Variants in SNX8 observed in about 807,000 individuals in gnomAD.
SNX8 encodes the protein sorting nexin 8, also known as sorting nexin-8.
A neutral mutation model predicts 51.6 loss-of-function variants in SNX8; 25 were observed. That is an observed-to-expected ratio of 0.48 (90% confidence interval 0.35 to 0.68). SNX8 has a LOEUF of 0.68. Ranked by LOEUF, SNX8 falls within the 30% of genes least tolerant of loss-of-function variation. SNX8 has a pLI of 0.00. For missense variants in SNX8, 695 were observed against 624.0 expected, an observed-to-expected ratio of 1.11 and a Z score of -1.21; for synonymous variants, 324 against 277.0, an observed-to-expected ratio of 1.17 and a Z score of -1.68.
At chr7:2,259,164 A>G (rs1223484537) in intron 7 of SNX8, among the ~76,000 whole-genome samples, 1 of 152,120 alleles carries the variant, frequency 6.6e-6, no homozygotes, top group Non-Finnish European at 1.5e-5. Context: ...GGGTCTGGGG[A>G]AGGCAGCGGA....
rs865895847 is a variant in SNX8, at chr7:2,253,694, C to A, written c.*1362G>T. ...AGCCCACGGGGCCAGAAGGCACGGC[C>A]GTTCCCTCTGGCCGGCTCGCAGTGG... On this transcript the variant is annotated 3_prime_UTR_variant, in exon 11 of 11. Coordinates refer to ENST00000222990, the MANE Select transcript of SNX8 (RefSeq NM_013321.4). 1 of 152,312 alleles carries A rather than the reference C, an allele frequency of 6.6e-6. No individual in the cohort carries two copies. Among genetic ancestry groups the A allele is most frequent in the East Asian group, 1.9e-4 (1 of 5,190 alleles). The allele number at this position is 152,312 out of a possible 1,614,324, so 9.4% of individuals were successfully genotyped here.
intron 1 of SNX8, among the ~76,000 whole-genome samples, chr7:2,338,029 T>C (rs1008840519): frequency 1.3e-5 from 2 of 152,236 alleles, no homozygotes; most frequent in African/African-American, 4.8e-5. Flanking sequence ...AACAGTGTAA[T>C]AAAGACTGCG....
At chr7:2,298,587 C>A (rs1039846032) in intron 1 of SNX8, among the ~76,000 whole-genome samples, 1 of 151,860 alleles carries the variant, frequency 6.6e-6, no homozygotes, top group Non-Finnish European at 1.5e-5. Context: ...CCAGGCTGGT[C>A]TCGAACTCCT....
At chr7:2,326,167 C>T (rs887465714) in intron 1 of SNX8, among the ~76,000 whole-genome samples, 13 of 151,770 alleles carry the variant, frequency 8.6e-5, no homozygotes, top group Admixed American at 5.9e-4. Context: ...AGTTCAAGAC[C>T]AGCCTGGGCA....
At position 2,251,902 on chromosome 7, in the gene SNX8, C is replaced by T. The variant is rs1174566570; in HGVS notation, c.*3154G>A. ...AGTGCTTTGGACATGAACTGACCCG[C>T]AAAGCAAGGGCAAAGGCCTCAGATG... On this transcript the variant is annotated 3_prime_UTR_variant, in exon 11 of 11. Transcript: ENST00000222990. 6.6e-6 allele frequency: 1 copy of T among 152,270 alleles called. No homozygotes were observed. The highest frequency in any genetic ancestry group is 2.4e-5 in the African/African-American group (1 of 41,460). The allele number at this position is 152,270 out of a possible 1,614,324, so 9.4% of individuals were successfully genotyped here. A position where few individuals can be genotyped will look rare whatever the true frequency, so the allele number is the denominator to read the frequency against.
intron 1 of SNX8, among the ~76,000 whole-genome samples, chr7:2,288,928 G>C (rs919422427): frequency 6.6e-6 from 1 of 152,106 alleles, no homozygotes; most frequent in Non-Finnish European, 1.5e-5. Context: ...GTAGAGATGA[G>C]GTTTCCCCAT....
rs1795120247 is a variant in SNX8 at position 2,254,269 on chromosome 7, A to T, written c.*787T>A. On this transcript the variant is annotated 3_prime_UTR_variant, in exon 11 of 11. Coordinates refer to ENST00000222990, the MANE Select transcript of SNX8 (RefSeq NM_013321.4). Reference sequence around the variant, plus strand: ...GCCCCCACCTGTCCTCTGCCAGCCCATCCAGCCTCAGTGCCACACGGTGCA... The same window carrying T: ...GCCCCCACCTGTCCTCTGCCAGCCCTTCCAGCCTCAGTGCCACACGGTGCA... 6.6e-6 allele frequency: 1 copy of T among 152,554 alleles called. No individual in the cohort carries two copies. Among genetic ancestry groups the T allele is most frequent in the South Asian group, 2.1e-4 (1 of 4,830 alleles). 9.5% of individuals were successfully genotyped at this position (152,554 alleles called of 1,614,324 possible).
intron 5 of SNX8, among the ~76,000 whole-genome samples, chr7:2,268,588 G>C (rs1253202151): frequency 6.9e-6 from 1 of 145,626 alleles, no homozygotes; most frequent in Admixed American, 6.7e-5. Flanking sequence ...GCCCTGTCCG[G>C]GAGGGAGGTG....
At chr7:2,346,948 A>G (rs1779042263) in intron 1 of SNX8, among the ~76,000 whole-genome samples, 1 of 151,270 alleles carries the variant, frequency 6.6e-6, no homozygotes, top group Admixed American at 6.6e-5. Flanking sequence ...AAAAGAAAAA[A>G]GGAATAGGGA....
chr7:2,330,131 CT>C (rs1330990013), intron 1 of SNX8, among the ~76,000 whole-genome samples: 4 of 126,586 alleles, frequency 3.2e-5, no homozygotes, highest in Admixed American at 9.0e-5. Context: ...GCGCCCGGCC[CT>C]TTTTTCTTTT....
intron 1 of SNX8, among the ~76,000 whole-genome samples, chr7:2,292,604 G>A (rs1444101588): frequency 1.3e-5 from 2 of 151,956 alleles, no homozygotes; most frequent in African/African-American, 2.4e-5. Context: ...GTAGAAACGT[G>A]GTTTCACCAT....
At chr7:2,293,966 CAA>C (rs147695305) in intron 1 of SNX8, among the ~76,000 whole-genome samples, 1 of 138,114 alleles carries the variant, frequency 7.2e-6, no homozygotes, top group African/African-American at 2.7e-5. Flanking sequence ...AACTCTGTCT[CAA>C]AAAAAAAAAT....
chr7:2,344,081 G>A (rs1045904379), intron 1 of SNX8, among the ~76,000 whole-genome samples: 10 of 151,214 alleles, frequency 6.6e-5, no homozygotes, highest in Admixed American at 6.0e-4. Flanking sequence ...CCGTGCGCCT[G>A]TAGTCCCAGC....
chr7:2,313,352 T>C (rs1367005322), intron 1 of SNX8, among the ~76,000 whole-genome samples: 2 of 149,822 alleles, frequency 1.3e-5, no homozygotes, highest in East Asian at 2.0e-4. Context: ...ATGGTGAAAC[T>C]CCGTCTCTAC....
intron 1 of SNX8, among the ~76,000 whole-genome samples, chr7:2,303,390 C>A (rs1796459201): frequency 6.6e-6 from 1 of 151,832 alleles, no homozygotes; most frequent in African/African-American, 2.4e-5. Context: ...GGCGCCTCTG[C>A]CCGGCCGCCC....
At chr7:2,310,031 C>G (rs993062534) in intron 1 of SNX8, 4 of 374,186 alleles carry the variant, frequency 1.1e-5, no homozygotes, top group Admixed American at 3.6e-5. Flanking sequence ...ATGGGATGAG[C>G]CGCAAGTGAA....
chr7:2,316,018 C>CACAA (rs1796749884), upstream of SNX8, among the ~76,000 whole-genome samples: 1 of 143,480 alleles, frequency 7.0e-6, no homozygotes, highest in African/African-American at 2.6e-5. Flanking sequence ...CATTCATTCA[C>CACAA]CCACTCACTC....
Position 2,255,119 on chromosome 7 carries a change from C to T in SNX8, c.1335G>A (p.Ala445=), listed in dbSNP as rs776675262. Residue 445 remains alanine (A), a synonymous_variant, in exon 11 of 11, where the codon GCG becomes GCA. Coordinates refer to ENST00000222990, the MANE Select transcript of SNX8 (RefSeq NM_013321.4). Reference sequence around the variant, plus strand: ...GTGGGGTCAGGGTGCTGTGTGGTCCCGCAAAGAGGCAGCTGAGCTTGGGCC... The same window carrying T: ...GTGGGGTCAGGGTGCTGTGTGGTCCTGCAAAGAGGCAGCTGAGCTTGGGCC... ...DLRPKLSCLF[A]GPHSTLTPPC... 9 of 1,579,502 alleles carry T rather than the reference C, an allele frequency of 5.7e-6. No homozygotes were observed. Among genetic ancestry groups the T allele is most frequent in the African/African-American group, 2.7e-5 (2 of 74,232 alleles).
In SNX8 at chr7:2,351,918, T is replaced by TG. The variant is rs796831486; in HGVS notation, c.-66+2303_-66+2304insC. Among the ~76,000 whole-genome samples, 114 of 147,104 alleles carry TG rather than the reference T, an allele frequency of 7.7e-4. 2 individuals carry two copies. Among genetic ancestry groups the TG allele is most frequent in the African/African-American group, 2.7e-3 (111 of 40,484 alleles). ...TTGTTGTTGTTGGTTTTTTTTTTTT[T>TG]TTTTTTTTGAGATGGATTTTTGCTC... On this transcript the variant is annotated intron_variant, in intron 1 of 5. Transcript: ENST00000435336.
Sources: gnomAD v4.1 joint callset for allele counts (sites outside exome capture counted in the v4.1 genomes callset) on GRCh38, gnomAD v4.1.1 for gene constraint, MANE v1.5 for transcripts, NCBI Gene and HGNC (gene_info 2026-07-23, HGNC 2026-07-21) for gene names.